The following CHCHD3 variants were observed in gnomAD, a reference collection of about 807,000 sequenced individuals.
CHCHD3 encodes the protein coiled-coil-helix-coiled-coil-helix domain containing 3, also known as MICOS complex subunit MIC19.
CHCHD3 carries 20 observed loss-of-function variants against 38.2 expected under a neutral mutation model. The observed-to-expected ratio is 0.52, with a 90% CI of 0.37 to 0.76. CHCHD3 has a LOEUF of 0.76. CHCHD3 is among the 30% of genes least tolerant of loss of function. The probability of loss-of-function intolerance (pLI) is 0.00; values close to 1 mark genes in which losing one functional copy is unlikely to be tolerated. For missense variants in CHCHD3, 245 were observed against 279.2 expected, an observed-to-expected ratio of 0.88 and a Z score of 0.87; for synonymous variants, 82 against 100.0, an observed-to-expected ratio of 0.82 and a Z score of 1.07.
chr7:133,018,935 G>C (rs955254029), intron 3 of CHCHD3, among the ~76,000 whole-genome samples: 1 of 139,236 alleles, frequency 7.2e-6, no homozygotes, highest in Non-Finnish European at 1.5e-5. Context: ...CCAGGCTGGA[G>C]TGCAGTGGCG....
chr7:132,844,550 G>C (rs2117105380), intron 5 of CHCHD3, among the ~76,000 whole-genome samples: 1 of 152,282 alleles, frequency 6.6e-6, no homozygotes, highest in Admixed American at 6.5e-5. Context: ...TTTGTGGCAG[G>C]TACATGTGAT....
intron 4 of CHCHD3, among the ~76,000 whole-genome samples, chr7:132,929,582 T>A (rs1810468914): frequency 6.6e-6 from 1 of 152,208 alleles, no homozygotes; most frequent in African/African-American, 2.4e-5. Context: ...TTCCAACTTA[T>A]TTAATGAACA....
intron 6 of CHCHD3, among the ~76,000 whole-genome samples, chr7:132,803,796 G>C (rs1585528039): frequency 6.9e-6 from 1 of 145,470 alleles, no homozygotes; most frequent in Admixed American, 6.8e-5. Context: ...GTGGGTTGCT[G>C]TGCCCAGCCA....
At chr7:133,025,529 G>T (rs1221966381) in intron 2 of CHCHD3, among the ~76,000 whole-genome samples, 1 of 152,158 alleles carries the variant, frequency 6.6e-6, no homozygotes, top group African/African-American at 2.4e-5. Context: ...TGTTGAGACA[G>T]AGTCTCGCTC....
intron 2 of CHCHD3, among the ~76,000 whole-genome samples, chr7:133,064,500 G>A (rs1353539021): frequency 6.6e-6 from 1 of 152,164 alleles, no homozygotes; most frequent in Non-Finnish European, 1.5e-5. Context: ...TCTCCCTACA[G>A]TGTTATGTCT....
chr7:132,988,737 G>A (rs1190689571), intron 3 of CHCHD3, among the ~76,000 whole-genome samples: 1 of 151,594 alleles, frequency 6.6e-6, no homozygotes, highest in Admixed American at 6.6e-5. Flanking sequence ...AACATAGTGA[G>A]CCCCCATCTC....
At chr7:132,855,067 T>TGTGTTTAAACAAGGTC (rs1298372039) in intron 5 of CHCHD3, among the ~76,000 whole-genome samples, 2 of 152,250 alleles carry the variant, frequency 1.3e-5, no homozygotes, top group East Asian at 3.8e-4. Flanking sequence ...CCAGGAATGG[T>TGTGTTTAAACAAGGTC]GTGTTTAAAC....
chr7:133,022,621 T>A (rs1813220657), intron 3 of CHCHD3: 2 of 398,078 alleles, frequency 5.0e-6, no homozygotes, highest in South Asian at 3.7e-5. Context: ...CAAACAAAAC[T>A]TTTTTTAAAA....
At chr7:133,057,414 T>C (rs1814374178) in intron 2 of CHCHD3, among the ~76,000 whole-genome samples, 1 of 151,982 alleles carries the variant, frequency 6.6e-6, no homozygotes, top group South Asian at 2.1e-4. Context: ...AAATTAAAAA[T>C]TGGCAGTGTG....
chr7:133,050,375 A>AAAG (rs1814124812), intron 2 of CHCHD3, among the ~76,000 whole-genome samples: 3 of 135,428 alleles, frequency 2.2e-5, no homozygotes, highest in Non-Finnish European at 4.7e-5. Context: ...AAAAAAAAAA[A>AAAG]TGCAGAATGA....
intron 3 of CHCHD3, among the ~76,000 whole-genome samples, chr7:132,984,945 A>G (rs1812055235): frequency 1.5e-5 from 1 of 67,344 alleles, no homozygotes; most frequent in African/African-American, 5.9e-5. Context: ...CCGGGAGGTG[A>G]GGGGCGCCTC....
chr7:132,989,002 A>G (rs1293514680), intron 3 of CHCHD3, among the ~76,000 whole-genome samples: 2 of 152,224 alleles, frequency 1.3e-5, no homozygotes, highest in African/African-American at 4.8e-5. Context: ...AACTATTTAC[A>G]TAGTGCTTAC....
rs929798833 is a variant in CHCHD3 at position 132,837,007 on chromosome 7, CCCA to C, written c.524+1389_524+1391del. Among the ~76,000 whole-genome samples, 103 of 152,178 alleles carry C rather than the reference CCCA, an allele frequency of 6.8e-4. 1 individual carries two copies. Among genetic ancestry groups the C allele is most frequent in the Non-Finnish European group, 1.3e-4 (9 of 68,038 alleles). ...TCTGACTCAAGACACTGCTTTGTCA[CCCA>C]CCAACTACAGAGCACAGTTTTCCTT... On this transcript the variant is annotated intron_variant, in intron 6 of 7. Transcript: ENST00000262570.
intron 4 of CHCHD3, among the ~76,000 whole-genome samples, chr7:132,963,607 C>A (rs1236473793): frequency 6.8e-6 from 1 of 146,036 alleles, no homozygotes; most frequent in East Asian, 2.0e-4. Context: ...CCAGCCTGGG[C>A]GATACAGTGA....
chr7:132,921,032 G>A (rs1810247555), intron 4 of CHCHD3, among the ~76,000 whole-genome samples: 2 of 152,114 alleles, frequency 1.3e-5, no homozygotes, highest in African/African-American at 2.4e-5. Context: ...ATTGATAGAG[G>A]TTATTTTCCA....
chr7:132,796,212 T>A lies in CHCHD3; in HGVS notation c.660+230A>T, dbSNP rs184756794. ...GGAAAAAAGTATAATTGTAGTAGAA[T>A]CCTTTTTTCTGCAAGTAAATGAGTT... On this transcript the variant is annotated intron_variant, in intron 7 of 7. Transcript: ENST00000262570. Among the ~76,000 whole-genome samples the A allele has an allele frequency of 2.6e-5, 4 of 152,300 alleles. No homozygotes were observed. The East Asian group carries it at 7.7e-4, about 29-fold the overall frequency.
chr7:132,955,184 G>GTGTGTGTGTGTGTA (rs1313137318), intron 4 of CHCHD3, among the ~76,000 whole-genome samples: 5 of 149,748 alleles, frequency 3.3e-5, no homozygotes, highest in African/African-American at 1.2e-4. Flanking sequence ...GTGTGTGTGT[G>GTGTGTGTGTGTGTA]TGTGTGTGTG....
chr7:133,072,266 A>ATT (rs1355659117), intron 1 of CHCHD3, among the ~76,000 whole-genome samples: 11 of 52,666 alleles, frequency 2.1e-4, no homozygotes, highest in African/African-American at 8.6e-4. Context: ...TAAACTTTAA[A>ATT]AAAAAAAAGC....
chr7:132,974,785 A>G (rs1254313676), intron 4 of CHCHD3, among the ~76,000 whole-genome samples: 3 of 152,118 alleles, frequency 2.0e-5, no homozygotes, highest in African/African-American at 7.2e-5. Flanking sequence ...GAGGCTGGAG[A>G]ATCACTTGAA....
Sources: allele counts gnomAD v4.1 joint callset (sites outside exome capture counted in the v4.1 genomes callset), GRCh38; gene constraint gnomAD v4.1.1; transcripts MANE v1.5; gene names NCBI Gene and HGNC (gene_info 2026-07-23, HGNC 2026-07-21).